The following IFT172 variants were observed in gnomAD, a reference collection of about 807,000 sequenced individuals.
The protein encoded by IFT172 is intraflagellar transport protein 172 homolog.
In IFT172, 164 loss-of-function variants were observed where a neutral mutation model predicts 248.9. That is an observed-to-expected ratio of 0.66 (90% CI 0.58 to 0.75). The LOEUF is 0.75. Among genes scored for constraint, IFT172 ranks in the 30% least tolerant of loss-of-function variants. The pLI is 0.00. For missense variants in IFT172, 1,950 were observed against 2,192.4 expected, an observed-to-expected ratio of 0.89 and a Z score of 2.21; for synonymous variants, 729 against 791.6, an observed-to-expected ratio of 0.92 and a Z score of 1.33.
At chr2:27,466,755 T>C (rs932420144) in intron 16 of IFT172, among the ~76,000 whole-genome samples, 1 of 152,008 alleles carries the variant, frequency 6.6e-6, no homozygotes, top group African/African-American at 2.4e-5. Context: ...CTCATACCTG[T>C]AATCCCAGCA....
At chr2:27,459,190 G>A (rs1666428248) in intron 25 of IFT172, 188 bp downstream of exon 25, 2 of 703,832 alleles carry the variant, frequency 2.8e-6, no homozygotes, top group East Asian at 2.7e-5. Flanking sequence ...TGGGGTGAAG[G>A]GCGATATCTG....
chr2:27,485,846 A>G (rs1668732954), intron 1 of IFT172, among the ~76,000 whole-genome samples: 1 of 152,250 alleles, frequency 6.6e-6, no homozygotes, highest in Non-Finnish European at 1.5e-5. Flanking sequence ...CATTCATTCA[A>G]TTAATATTTT....
chr2:27,473,369 CAAA>C (rs567775832), intron 14 of IFT172, among the ~76,000 whole-genome samples: 6 of 54,438 alleles, frequency 1.1e-4, no homozygotes, highest in Admixed American at 1.9e-4. Context: ...GACTCTGTCT[CAAA>C]AAAAAAAAAA....
At chr2:27,478,277 G>T in intron 10 of IFT172, 121 bp from the exon 11 acceptor site, 2 of 1,143,270 alleles carry the variant, frequency 1.7e-6, no homozygotes, top group Non-Finnish European at 2.5e-6. Flanking sequence ...TCTTCCCTGG[G>T]TCTAGGATAT....
At position 27,477,159 on chromosome 2, in the gene IFT172, A is replaced by T. The variant is rs192802470; in HGVS notation, c.1325+58T>A. The T allele has an allele frequency of 6.3e-6, 9 of 1,424,428 alleles. No individual in the cohort carries two copies. In the Admixed American group the frequency reaches 1.0e-4, roughly 16 times the overall value. The allele number at this position is 1,424,428 out of a possible 1,614,324, so 88.2% of individuals were successfully genotyped here. On this transcript the variant is annotated intron_variant, in intron 13 of 47. Coordinates refer to ENST00000260570, the MANE Select transcript of IFT172 (RefSeq NM_015662.3). ...GGATTAACTGGAGGACACAGAATTT[A>T]GGAGTCCAAAAGGAATTATTCTGGG...
chr2:27,479,162 G>A lies in IFT172; in HGVS notation c.1005+347C>T, dbSNP rs562048564. Among the ~76,000 whole-genome samples the A allele has an allele frequency of 2.6e-4, 40 of 152,102 alleles. No homozygotes were observed. The South Asian group carries it at 5.6e-3, about 21-fold the overall frequency. ...TGGGACTACAGGCACCCGCCACAAC[G>A]CCCGGCTAATTTTTTTGTATTTTTA... On this transcript the variant is annotated intron_variant, in intron 10 of 47. Transcript: ENST00000260570.
rs564333164 is a variant in IFT172 at position 27,486,965 on chromosome 2, C to T, written c.40-1462G>A. On this transcript the variant is annotated intron_variant, in intron 1 of 47. Coordinates refer to ENST00000260570, the MANE Select transcript of IFT172 (RefSeq NM_015662.3). ...AATTTCCTTCTTTTTTTTTTTTTGA[C>T]GGAGTCTCACTCTGTCCCCCAGACT... Among the ~76,000 whole-genome samples, 6 of 150,252 alleles carry T rather than the reference C, an allele frequency of 4.0e-5. No homozygotes were observed. The East Asian group carries it at 5.8e-4, about 15-fold the overall frequency.
chr2:27,447,841 C>G lies in IFT172; in HGVS notation c.4510G>C (p.Ala1504Pro). The G allele has an allele frequency of 1.2e-6, 2 of 1,613,710 alleles. No homozygotes were observed. The highest frequency in any genetic ancestry group is 1.7e-6 in the Non-Finnish European group (2 of 1,179,578). The change falls in exon 41 of 48, where the codon GCT (alanine) becomes CCT (proline). Residue 1504 changes from alanine (A) to proline (P), a missense_variant. Transcript: ENST00000260570. ...TTGAAGAGGACATCTCGAAGATCAG[C>G]CCAGCTATGATAGGCCTCGGCACAG... is the stretch of plus-strand genomic sequence containing the variant. ...TNCAEAYHSW[A>P]DLRDVLFNLC...
chr2:27,481,909 C>T (rs1399387770), intron 7 of IFT172, among the ~76,000 whole-genome samples: 1 of 152,002 alleles, frequency 6.6e-6, no homozygotes, highest in Non-Finnish European at 1.5e-5. Flanking sequence ...CATTAACCAA[C>T]ACCGTCTGGG....
At chr2:27,480,824 T>C (rs928397200) in intron 8 of IFT172, among the ~76,000 whole-genome samples, 1 of 152,036 alleles carries the variant, frequency 6.6e-6, no homozygotes, top group Non-Finnish European at 1.5e-5. Context: ...AATTCTGCTG[T>C]GGAAGTGCAG....
intron 26 of IFT172, among the ~76,000 whole-genome samples, chr2:27,458,452 C>T (rs1666357100): frequency 6.6e-6 from 1 of 152,076 alleles, no homozygotes; most frequent in Admixed American, 6.6e-5. Flanking sequence ...GGCATACACT[C>T]CCATTACCAC....
intron 7 of IFT172, among the ~76,000 whole-genome samples, chr2:27,481,469 A>ACACACC (rs1558411731): frequency 2.0e-5 from 3 of 148,582 alleles, no homozygotes; most frequent in Non-Finnish European, 3.0e-5. Flanking sequence ...ACACACACAC[A>ACACACC]CCCCTATACA....
At chr2:27,470,059 GA>G (rs1455383866) in intron 16 of IFT172, among the ~76,000 whole-genome samples, 5 of 146,870 alleles carry the variant, frequency 3.4e-5, no homozygotes, top group East Asian at 2.0e-4. Context: ...AAAATGTGGA[GA>G]AAAAAAAAAG....
In IFT172 at chr2:27,446,339, C is replaced by T; in HGVS notation, c.4676G>A (p.Arg1559Lys). The T allele has an allele frequency of 6.2e-7, 1 of 1,614,228 alleles. No homozygotes were observed. Among genetic ancestry groups the T allele is most frequent in the Non-Finnish European group, 8.5e-7 (1 of 1,180,048 alleles). ...SVKQLETVAA[R>K]LSVSLLRHTQ... ...GTGACGCAAGAGTGAAACAGAAAGCCTGGCAGCCACGGTTTCCTGGGATTA... is the reference window on the plus strand; with the variant it reads ...GTGACGCAAGAGTGAAACAGAAAGCTTGGCAGCCACGGTTTCCTGGGATTA... The change falls in exon 43 of 48, where the codon AGG becomes AAG. Residue 1559 changes from arginine to lysine, a missense_variant. Arg to Lys is a conservative substitution (Grantham distance 26). Around this residue, in one of 3 missense-constraint regions of IFT172, gnomAD observed 620 missense variants for 699.0 expected, o/e 0.89. Coordinates refer to ENST00000260570, the MANE Select transcript of IFT172 (RefSeq NM_015662.3).
At chr2:27,484,875 A>T (rs953682832) in intron 3 of IFT172, 143 bp downstream of exon 3, 6 of 638,956 alleles carry the variant, frequency 9.4e-6, no homozygotes, top group Non-Finnish European at 1.7e-5. Context: ...AAGGCAGAAA[A>T]GCAAAAACAG....
intron 24 of IFT172, 66 bp from the exon 25 acceptor site, chr2:27,459,588 C>A: frequency 6.2e-7 from 1 of 1,604,962 alleles, no homozygotes; most frequent in South Asian, 1.1e-5. Context: ...GGTAAAAGGA[C>A]CCTTTAAGCA....
At chr2:27,460,724 T>C (rs1308026435) in intron 23 of IFT172, among the ~76,000 whole-genome samples, 1 of 117,098 alleles carries the variant, frequency 8.5e-6, no homozygotes, top group African/African-American at 3.4e-5. Flanking sequence ...ACAATTGTCT[T>C]GTGACCCTGA....
At chr2:27,483,821 G>A (rs779825382) in intron 5 of IFT172, 51 bp downstream of exon 5, 1 of 1,513,968 alleles carries the variant, frequency 6.6e-7, no homozygotes, top group Non-Finnish European at 9.2e-7. Context: ...CCTCTCTCCA[G>A]AACCATTATC....
chr2:27,477,048 C>T, intron 13 of IFT172, 169 bp downstream of exon 13: 1 of 678,748 alleles, frequency 1.5e-6, no homozygotes, highest in Non-Finnish European at 2.6e-6. Flanking sequence ...TGGTCTTGAA[C>T]TCCTGGACTC....
Sources: gnomAD v4.1 joint callset for allele counts (sites outside exome capture counted in the v4.1 genomes callset) on GRCh38, gnomAD v4.1.1 for gene constraint, gnomAD v4.1.1 regional missense constraint, MANE v1.5 for transcripts, NCBI Gene and HGNC (gene_info 2026-07-23, HGNC 2026-07-21) for gene names.